Variants in MEF2C observed in about 807,000 individuals in gnomAD.
The protein encoded by MEF2C is myocyte-specific enhancer factor 2C.
Under a neutral mutation model 50.5 loss-of-function variants are expected in MEF2C, and 6 were observed. The observed-to-expected ratio is 0.12, with a 90% CI of 0.07 to 0.23. The LOEUF is 0.23. Among genes scored for constraint, MEF2C ranks in the 10% least tolerant of loss-of-function variants. MEF2C has a pLI of 1.00. For missense variants in MEF2C, 276 were observed against 605.0 expected (o/e 0.46, Z 5.70); for synonymous variants, 183 against 228.0 (o/e 0.80, Z 1.78).
At chr5:88,736,110 C>A in intron 6 of MEF2C, 12 of 985,298 alleles carry the variant, frequency 1.2e-5, no homozygotes, top group Non-Finnish European at 1.4e-5. Context: ...CAATGAGATA[C>A]CAAATCTTAT....
intron 1 of MEF2C, among the ~76,000 whole-genome samples, chr5:88,861,959 C>G (rs1342408792): frequency 6.6e-6 from 1 of 152,186 alleles, no homozygotes; most frequent in East Asian, 1.9e-4. Flanking sequence ...CAGTCTTTCA[C>G]AACTAATTTA....
At chr5:88,869,190 T>C (rs1219442324) in intron 1 of MEF2C, among the ~76,000 whole-genome samples, 1 of 148,072 alleles carries the variant, frequency 6.8e-6, no homozygotes, top group Non-Finnish European at 1.5e-5. Flanking sequence ...AGTTTCACAA[T>C]CACGTTATGT....
chr5:88,896,162 C>G (rs1835094323), intron 1 of MEF2C, among the ~76,000 whole-genome samples: 1 of 152,178 alleles, frequency 6.6e-6, no homozygotes, highest in African/African-American at 2.4e-5. Flanking sequence ...GATGAACTCT[C>G]TATCAGCAAA....
chr5:88,848,878 C>A (rs567496336), intron 1 of MEF2C, among the ~76,000 whole-genome samples: 1 of 152,026 alleles, frequency 6.6e-6, no homozygotes, highest in African/African-American at 2.4e-5. Context: ...GTGAGCCAGG[C>A]GTGGTGGCTA....
intron 3 of MEF2C, among the ~76,000 whole-genome samples, chr5:88,774,537 T>C (rs1330443510): frequency 6.6e-6 from 1 of 152,100 alleles, no homozygotes; most frequent in African/African-American, 2.4e-5. Context: ...TTAGCCAGCA[T>C]GGTCTCGATC....
chr5:88,736,583 C>T, intron 6 of MEF2C: 1 of 964,488 alleles, frequency 1.0e-6, no homozygotes, highest in Non-Finnish European at 1.2e-6. Context: ...GGTTCTTCAC[C>T]AGGCCTTAAG....
intron 1 of MEF2C, among the ~76,000 whole-genome samples, chr5:88,850,831 G>A (rs1046340723): frequency 2.0e-5 from 3 of 151,754 alleles, no homozygotes; most frequent in African/African-American, 7.3e-5. Context: ...ACTTACACAT[G>A]AATTTTCTTC....
chr5:88,824,565 A>G (rs1388755613), intron 1 of MEF2C, among the ~76,000 whole-genome samples: 1 of 151,914 alleles, frequency 6.6e-6, no homozygotes, highest in Admixed American at 6.6e-5. Flanking sequence ...CAGCAGTGAG[A>G]TCTTTTCTTT....
chr5:88,789,173 T>G (rs1792522370), intron 3 of MEF2C, among the ~76,000 whole-genome samples: 2 of 136,726 alleles, frequency 1.5e-5, no homozygotes, highest in South Asian at 4.7e-4. Flanking sequence ...TTGTAATACT[T>G]TTTTTTTTTT....
chr5:88,733,693 T>C lies in MEF2C; in HGVS notation c.638-1792A>G, dbSNP rs964123277. The C allele has an allele frequency of 3.0e-6, 3 of 985,186 alleles. No individual in the cohort carries two copies. The African/African-American group carries it at 5.2e-5, about 17-fold the overall frequency. The allele number at this position is 985,186 out of a possible 1,614,324, so 61.0% of individuals were successfully genotyped here. ...TCATTTACCTGTCTCATTTTATGCATGAATAAACAGGCTGAATATATAACA... is the reference window on the plus strand; with the variant it reads ...TCATTTACCTGTCTCATTTTATGCACGAATAAACAGGCTGAATATATAACA... On this transcript the variant is annotated intron_variant, in intron 6 of 10. Transcript: ENST00000504921.
intron 6 of MEF2C, chr5:88,739,956 G>A (rs1366557074): frequency 1.0e-6 from 1 of 984,856 alleles, no homozygotes; most frequent in Non-Finnish European, 1.2e-6. Context: ...GGTTTCTTAG[G>A]GAAATTATAT....
intron 10 of MEF2C, among the ~76,000 whole-genome samples, chr5:88,725,896 G>T (rs1213517786): frequency 2.0e-5 from 3 of 152,034 alleles, no homozygotes; most frequent in African/African-American, 7.2e-5. Flanking sequence ...TTTTATAGGT[G>T]GTGGTTTAGA....
chr5:88,843,993 G>A (rs957640628), intron 1 of MEF2C, among the ~76,000 whole-genome samples: 3 of 152,138 alleles, frequency 2.0e-5, no homozygotes, highest in Admixed American at 1.3e-4. Flanking sequence ...TGTATTTTTA[G>A]TAGAGACGGG....
chr5:88,898,113 C>A (rs1230996963), intron 1 of MEF2C, among the ~76,000 whole-genome samples: 1 of 152,128 alleles, frequency 6.6e-6, no homozygotes, highest in African/African-American at 2.4e-5. Flanking sequence ...GTTATTCACT[C>A]CTGTTCTCTC....
intron 3 of MEF2C, among the ~76,000 whole-genome samples, chr5:88,803,662 T>TG (rs1799254655): frequency 1.3e-5 from 2 of 152,238 alleles, no homozygotes; most frequent in Non-Finnish European, 2.9e-5. Context: ...TCCTTTGTTT[T>TG]GTAGTCTTAA....
intron 4 of MEF2C, among the ~76,000 whole-genome samples, chr5:88,757,666 A>G (rs1775976252): frequency 6.6e-6 from 1 of 152,246 alleles, no homozygotes; most frequent in Non-Finnish European, 1.5e-5. Flanking sequence ...CTGTGATACC[A>G]GCACTTTGGG....
At chr5:88,834,473 A>G (rs1814278611) in intron 1 of MEF2C, among the ~76,000 whole-genome samples, 1 of 152,172 alleles carries the variant, frequency 6.6e-6, no homozygotes. Flanking sequence ...CTGAAAACAA[A>G]ACAGAAGGTC....
chr5:88,809,368 G>A (rs1212780658), intron 2 of MEF2C, among the ~76,000 whole-genome samples: 2 of 152,104 alleles, frequency 1.3e-5, no homozygotes, highest in African/African-American at 2.4e-5. Flanking sequence ...CAAGTTTTAT[G>A]GAGCATTTTC....
chr5:88,819,751 G>A (rs1177842783), intron 2 of MEF2C, among the ~76,000 whole-genome samples: 3 of 151,808 alleles, frequency 2.0e-5, no homozygotes, highest in Non-Finnish European at 2.9e-5. Flanking sequence ...AAATCCAAAC[G>A]CCCTGTTTTT....
Sources: gnomAD v4.1 joint callset for allele counts (sites outside exome capture counted in the v4.1 genomes callset) on GRCh38, gnomAD v4.1.1 for gene constraint, MANE v1.5 for transcripts, NCBI Gene and HGNC (gene_info 2026-07-23, HGNC 2026-07-21) for gene names.